MCC: variants seen among roughly 807,000 people sequenced by gnomAD.
The protein encoded by MCC is MCC regulator of Wnt signaling pathway, also known as colorectal mutant cancer protein.
Under a neutral mutation model 116.2 loss-of-function variants are expected in MCC, and 90 were observed. The ratio of observed to expected loss-of-function variants is 0.77; its 90% CI spans 0.65 to 0.92. The LOEUF is 0.92. Among genes scored for constraint, MCC ranks in the 40% least tolerant of loss-of-function variants. The pLI is 0.00. For missense variants in MCC, 1,516 were observed against 1,312.2 expected (o/e 1.16, Z -2.40); for synonymous variants, 578 against 510.5 (o/e 1.13, Z -1.78).
At position 113,196,675 on chromosome 5, in the gene MCC, C is replaced by T. The variant is rs140479403; in HGVS notation, c.628-45253G>A. 7.5e-3 allele frequency among the ~76,000 whole-genome samples: 1,139 copies of T among 152,210 alleles called. 18 individuals carry two copies. The highest frequency in any genetic ancestry group is 0.024 in the African/African-American group (1,003 of 41,506). On this transcript the variant is annotated intron_variant, in intron 3 of 18. Coordinates refer to ENST00000408903, the MANE Select transcript of MCC (RefSeq NM_001085377.2). ...CCATCCTGGCTAACACGGTGAAACC[C>T]CATCTCTATTAAAAATACAAAAAAT...
intron 7 of MCC, among the ~76,000 whole-genome samples, chr5:113,102,694 C>G (rs148389586): frequency 2.0e-5 from 3 of 152,330 alleles, no homozygotes; most frequent in African/African-American, 7.2e-5. Flanking sequence ...AGAAGTCATT[C>G]TGCTTACTCT....
At position 113,351,454 on chromosome 5, in the gene MCC, C is replaced by CT. The variant is rs1318181748; in HGVS notation, c.416-10725_416-10724insA. Among the ~76,000 whole-genome samples the CT allele has an allele frequency of 4.6e-5, 7 of 152,176 alleles. No homozygotes were observed. The South Asian group carries it at 1.5e-3, about 32-fold the overall frequency. On this transcript the variant is annotated intron_variant, in intron 2 of 18. Coordinates refer to ENST00000408903, the MANE Select transcript of MCC (RefSeq NM_001085377.2). ...AAGCCAGGCACAGAAAGACAAATTT[C>CT]ACATGTTCTCACTTATTTGTAGGAG...
At chr5:113,104,881 A>C (rs1234517692) in intron 6 of MCC, among the ~76,000 whole-genome samples, 1 of 152,246 alleles carries the variant, frequency 6.6e-6, no homozygotes, top group East Asian at 1.9e-4. Flanking sequence ...GTTGCAATTT[A>C]ATCCATGTTC....
chr5:113,281,444 T>C (rs1013838480), intron 3 of MCC, among the ~76,000 whole-genome samples: 1 of 152,210 alleles, frequency 6.6e-6, no homozygotes. Flanking sequence ...TTCTCTGCAG[T>C]GCATCCTTAT....
At chr5:113,443,297 T>C (rs867866669) in intron 1 of MCC, among the ~76,000 whole-genome samples, 13 of 152,178 alleles carry the variant, frequency 8.5e-5, no homozygotes, top group African/African-American at 2.7e-4. Flanking sequence ...GGCTCTCTGT[T>C]TGTCTGTTAC....
At chr5:113,471,470 T>C (rs1320674139) in intron 1 of MCC, among the ~76,000 whole-genome samples, 1 of 152,132 alleles carries the variant, frequency 6.6e-6, no homozygotes, top group Non-Finnish European at 1.5e-5. Flanking sequence ...TCGGCAGCGG[T>C]GGCTGCAGAG....
intron 1 of MCC, among the ~76,000 whole-genome samples, chr5:113,450,433 T>C (rs115468296): frequency 1.5e-4 from 23 of 152,266 alleles, no homozygotes; most frequent in Non-Finnish European, 2.5e-4. Flanking sequence ...TTGGCAAATA[T>C]AGCTGCCTTT....
At chr5:113,487,671 T>A (rs1255300430) in intron 1 of MCC, among the ~76,000 whole-genome samples, 2 of 152,270 alleles carry the variant, frequency 1.3e-5, no homozygotes, top group Non-Finnish European at 2.9e-5. Flanking sequence ...CTCAGGCTAC[T>A]GCGTTTAAAT....
intron 3 of MCC, among the ~76,000 whole-genome samples, chr5:113,287,978 T>C (rs749011181): frequency 4.6e-5 from 7 of 152,276 alleles, no homozygotes; most frequent in Non-Finnish European, 7.3e-5. Flanking sequence ...TCTGATCACC[T>C]ACCTGGTCTT....
rs576479071 is a variant in MCC at position 113,296,154 on chromosome 5, C to T, written c.627+44365G>A. On this transcript the variant is annotated intron_variant, in intron 3 of 18. Transcript: ENST00000408903. The stretch of plus-strand genomic sequence containing the variant: ...GTCCTTGGGCACTGCCAAACTAGAG[C>T]ACATTCTGCATGGGGAGGAGATGGG... 5.9e-5 allele frequency among the ~76,000 whole-genome samples: 9 copies of T among 152,242 alleles called. 1 individual carries two copies. In the South Asian group the frequency reaches 1.9e-3, roughly 32 times the overall value.
intron 2 of MCC, among the ~76,000 whole-genome samples, chr5:113,359,109 G>C (rs992621236): frequency 1.3e-5 from 2 of 152,088 alleles, no homozygotes. Flanking sequence ...TTTGCCCTTT[G>C]TCTGTCTTCA....
At chr5:113,093,271 T>C (rs1476498277) in intron 8 of MCC, among the ~76,000 whole-genome samples, 1 of 152,054 alleles carries the variant, frequency 6.6e-6, no homozygotes, top group Non-Finnish European at 1.5e-5. Flanking sequence ...CTGTCCTGAG[T>C]GCCAAATTAC....
At chr5:113,421,396 C>T (rs1770329971) in intron 1 of MCC, among the ~76,000 whole-genome samples, 1 of 152,124 alleles carries the variant, frequency 6.6e-6, no homozygotes, top group Non-Finnish European at 1.5e-5. Context: ...CAGCAAACTT[C>T]CCTAGACTTA....
chr5:113,110,670 A>C (rs778551519), intron 6 of MCC, among the ~76,000 whole-genome samples: 1 of 152,220 alleles, frequency 6.6e-6, no homozygotes, highest in Non-Finnish European at 1.5e-5. Context: ...AAGCTGTCTG[A>C]TAAGACTGAA....
intron 8 of MCC, among the ~76,000 whole-genome samples, chr5:113,098,440 G>A (rs551742291): frequency 7.9e-5 from 12 of 152,168 alleles, no homozygotes; most frequent in Admixed American, 5.2e-4. Flanking sequence ...AATCACGTTT[G>A]TGAAATGAAT....
rs1019769698 is a variant in MCC at position 113,120,485 on chromosome 5, T to C, written c.1027+2199A>G. 3.3e-5 allele frequency among the ~76,000 whole-genome samples: 5 copies of C among 152,228 alleles called. No homozygotes were observed. The East Asian group carries it at 7.7e-4, about 23-fold the overall frequency. On this transcript the variant is annotated intron_variant, in intron 6 of 18. Coordinates refer to ENST00000408903, the MANE Select transcript of MCC (RefSeq NM_001085377.2). Reference sequence around the variant, plus strand: ...GCTCCTTCCTTATTAGAGCCTCCTCTGCCCCACTGGCTTCCAGAATACCAC... The same window carrying C: ...GCTCCTTCCTTATTAGAGCCTCCTCCGCCCCACTGGCTTCCAGAATACCAC...
At chr5:113,044,592 G>T in intron 16 of MCC, 1 of 547,236 alleles carries the variant, frequency 1.8e-6, no homozygotes, top group Non-Finnish European at 2.3e-6. Flanking sequence ...TTTGTTTTTT[G>T]AGATGGAGTT....
chr5:113,476,099 T>C lies in MCC; in HGVS notation c.170+12146A>G, dbSNP rs115735130. On this transcript the variant is annotated intron_variant, in intron 1 of 18. Transcript: ENST00000408903. ...AAAATCAAAAGTACCCTGAAAAACA[T>C]AGTTACTAAAAATGCACGTGAACGA... 2.4e-3 allele frequency among the ~76,000 whole-genome samples: 371 copies of C among 152,228 alleles called. 1 individual carries two copies. The highest frequency in any genetic ancestry group is 8.3e-3 in the African/African-American group (346 of 41,548).
intron 3 of MCC, among the ~76,000 whole-genome samples, chr5:113,312,478 C>T (rs1046787719): frequency 6.6e-6 from 1 of 152,032 alleles, no homozygotes; most frequent in African/African-American, 2.4e-5. Context: ...GTGTTCAAGT[C>T]ACAGAAACTT....
Sources: gnomAD v4.1 joint callset for allele counts (sites outside exome capture counted in the v4.1 genomes callset) on GRCh38, gnomAD v4.1.1 for gene constraint, MANE v1.5 for transcripts, NCBI Gene and HGNC (gene_info 2026-07-23, HGNC 2026-07-21) for gene names.